Variants in TMEM178B observed in about 807,000 individuals in gnomAD.
TMEM178B encodes transmembrane protein 178B.
TMEM178B carries 5 observed loss-of-function variants against 31.0 expected under a neutral mutation model. The observed-to-expected ratio is 0.16, with a 90% CI of 0.08 to 0.34. The LOEUF (loss-of-function observed/expected upper bound fraction) is 0.34, where lower values mean the gene tolerates loss of function less well. TMEM178B is among the 10% of genes least tolerant of loss of function. TMEM178B has a pLI of 1.00. For missense variants in TMEM178B, 275 were observed against 400.3 expected (o/e 0.69, Z 2.67); for synonymous variants, 164 against 164.0 (o/e 1.00, Z 0.00).
intron 2 of TMEM178B, among the ~76,000 whole-genome samples, chr7:141,378,208 T>A (rs1206552639): frequency 2.6e-5 from 4 of 152,212 alleles, no homozygotes; most frequent in Non-Finnish European, 5.9e-5. Context: ...ACAGGCTTTG[T>A]GAGTCATACC....
chr7:141,209,803 C>G (rs1384419538), intron 1 of TMEM178B, among the ~76,000 whole-genome samples: 4 of 152,064 alleles, frequency 2.6e-5, no homozygotes, highest in Non-Finnish European at 5.9e-5. Context: ...TAGATGTTTA[C>G]TCATCCTAAG....
At chr7:141,128,027 G>T (rs112302280) in intron 1 of TMEM178B, among the ~76,000 whole-genome samples, 4 of 152,114 alleles carry the variant, frequency 2.6e-5, no homozygotes, top group East Asian at 3.9e-4. Flanking sequence ...ATTCCAGTTC[G>T]CTGGCTATTT....
intron 1 of TMEM178B, among the ~76,000 whole-genome samples, chr7:141,149,072 G>T (rs1474845429): frequency 6.6e-6 from 1 of 152,188 alleles, no homozygotes; most frequent in East Asian, 1.9e-4. Context: ...TGAATGCCAG[G>T]TAAGGAGTTC....
At chr7:141,358,876 A>G (rs1799869124) in intron 2 of TMEM178B, among the ~76,000 whole-genome samples, 1 of 152,234 alleles carries the variant, frequency 6.6e-6, no homozygotes, top group Non-Finnish European at 1.5e-5. Flanking sequence ...TCTGATTTTC[A>G]GAAGCTTTAT....
intron 2 of TMEM178B, among the ~76,000 whole-genome samples, chr7:141,367,188 C>T (rs957047333): frequency 2.6e-5 from 4 of 151,742 alleles, no homozygotes; most frequent in African/African-American, 9.7e-5. Context: ...CTGTCCTTCT[C>T]GAAAGGTAGG....
intron 1 of TMEM178B, among the ~76,000 whole-genome samples, chr7:141,089,779 A>G (rs1431637495): frequency 1.3e-5 from 2 of 151,828 alleles, no homozygotes; most frequent in Non-Finnish European, 2.9e-5. Context: ...CAAACACCGC[A>G]TGTTCTCACT....
intron 2 of TMEM178B, among the ~76,000 whole-genome samples, chr7:141,278,347 C>G (rs527679750): frequency 6.6e-6 from 1 of 152,122 alleles, no homozygotes; most frequent in African/African-American, 2.4e-5. Context: ...TTTGGGAGGC[C>G]GAGGCCAGTA....
At chr7:141,504,961 AT>A in the TMEM178B span, among the ~76,000 whole-genome samples, 11 of 152,328 alleles carry the variant, frequency 7.2e-5, no homozygotes, top group East Asian at 7.7e-4. Context: ...GTCCTAACAT[AT>A]TTTTTTAGGC....
chr7:141,107,581 G>A (rs112956878), intron 1 of TMEM178B, among the ~76,000 whole-genome samples: 2,000 of 152,272 alleles, frequency 0.013, 15 homozygotes, highest in Middle Eastern at 0.02. Context: ...ACAGTTTTGC[G>A]TGGCCAAGAA....
At chr7:141,470,230 A>G (rs1303313208) in intron 3 of TMEM178B, among the ~76,000 whole-genome samples, 1 of 152,080 alleles carries the variant, frequency 6.6e-6, no homozygotes, top group African/African-American at 2.4e-5. Flanking sequence ...TGCTCACTCT[A>G]CCCCACACAA....
chr7:141,248,402 G>A (rs948532226), intron 2 of TMEM178B, among the ~76,000 whole-genome samples: 4 of 152,108 alleles, frequency 2.6e-5, no homozygotes, highest in Admixed American at 6.6e-5. Context: ...TAAGTGTATC[G>A]GATATTCAGA....
At chr7:141,454,637 C>T (rs910314067) in intron 3 of TMEM178B, among the ~76,000 whole-genome samples, 1 of 148,404 alleles carries the variant, frequency 6.7e-6, no homozygotes, top group African/African-American at 2.5e-5. Flanking sequence ...TTTCCTCACC[C>T]ACCAATATGA....
At chr7:141,496,669 C>CAAAAA in the TMEM178B span, among the ~76,000 whole-genome samples, 22 of 33,164 alleles carry the variant, frequency 6.6e-4, no homozygotes, top group African/African-American at 1.5e-3. Context: ...GACTCCGTCT[C>CAAAAA]AAAAAAAAAA....
At chr7:141,284,406 C>A (rs1462583182) in intron 2 of TMEM178B, among the ~76,000 whole-genome samples, 12 of 152,096 alleles carry the variant, frequency 7.9e-5, no homozygotes, top group Non-Finnish European at 1.5e-4. Context: ...AGGGATGATA[C>A]CTCAGTCTGT....
chr7:141,253,741 G>A (rs1035308848), intron 2 of TMEM178B, among the ~76,000 whole-genome samples: 5 of 151,316 alleles, frequency 3.3e-5, no homozygotes, highest in South Asian at 2.1e-4. Context: ...TAGTAGAGAC[G>A]GGGTTTCACC....
chr7:141,254,371 C>A (rs574628326), intron 2 of TMEM178B, among the ~76,000 whole-genome samples: 1 of 152,278 alleles, frequency 6.6e-6, no homozygotes, highest in East Asian at 1.9e-4. Flanking sequence ...GAGAGCACCC[C>A]CTGCCCTCCT....
intron 1 of TMEM178B, among the ~76,000 whole-genome samples, chr7:141,191,394 G>A (rs1413255253): frequency 1.3e-5 from 2 of 152,188 alleles, no homozygotes; most frequent in African/African-American, 4.8e-5. Context: ...TCAAATTGAG[G>A]CTTTGTAATT....
At chr7:141,177,333 T>C (rs1022490420) in intron 1 of TMEM178B, among the ~76,000 whole-genome samples, 6 of 152,224 alleles carry the variant, frequency 3.9e-5, no homozygotes, top group African/African-American at 1.4e-4. Flanking sequence ...TTCCGTTCTT[T>C]TGCGTTTGCT....
At chr7:141,374,970 G>A (rs1436296038) in intron 2 of TMEM178B, among the ~76,000 whole-genome samples, 1 of 152,134 alleles carries the variant, frequency 6.6e-6, no homozygotes, top group Middle Eastern at 3.2e-3. Context: ...TAAGATATAT[G>A]TCCCCATGTC....
Sources: allele counts gnomAD v4.1 joint callset (sites outside exome capture counted in the v4.1 genomes callset), GRCh38; gene constraint gnomAD v4.1.1; transcripts MANE v1.5; gene names NCBI Gene and HGNC (gene_info 2026-07-23, HGNC 2026-07-21).